SIN3B: variants seen among roughly 807,000 people sequenced by gnomAD.
The protein encoded by SIN3B is SIN3 transcription regulator family member B.
In SIN3B, 19 loss-of-function variants were observed where a neutral mutation model predicts 120.2. The ratio of observed to expected loss-of-function variants is 0.16; its 90% confidence interval spans 0.11 to 0.23. SIN3B has a LOEUF of 0.23. Ranked by LOEUF, SIN3B falls within the 10% of genes least tolerant of loss-of-function variation. The probability of loss-of-function intolerance (pLI) is 1.00; values close to 1 mark genes in which losing one functional copy is unlikely to be tolerated. For synonymous variants in SIN3B, 654 were observed against 653.2 expected, an observed-to-expected ratio of 1.00 and a Z score of -0.02; for missense variants, 1,073 against 1,573.0, an observed-to-expected ratio of 0.68 and a Z score of 5.38.
chr19:16,875,887 T>C, intron 14 of SIN3B, 168 bp from the exon 15 acceptor site: 1 of 770,768 alleles, frequency 1.3e-6, no homozygotes, highest in Non-Finnish European at 2.0e-6. Flanking sequence ...TGGTCTGGTC[T>C]GTTTGGTCTG....
chr19:16,869,334 C>G (rs1434181814), intron 12 of SIN3B, 126 bp from the exon 13 acceptor site: 1 of 1,277,532 alleles, frequency 7.8e-7, no homozygotes, highest in Non-Finnish European at 1.1e-6. Flanking sequence ...ATGTTCGCCA[C>G]CCATCCTGCT....
At position 16,862,760 on chromosome 19, in the gene SIN3B, C is replaced by A; in HGVS notation, c.1266+201C>A. 9.6e-7 allele frequency: 1 copy of A among 1,038,630 alleles called. No homozygotes were observed. The highest frequency in any genetic ancestry group is 1.5e-6 in the Non-Finnish European group (1 of 676,356). 64.3% of individuals were successfully genotyped at this position (1,038,630 alleles called of 1,614,324 possible). On this transcript the variant is annotated intron_variant, in intron 9 of 18. Transcript: ENST00000248054. This position sits in a 1 kb window ranked among gnomAD's most constrained non-coding sequence, Gnocchi z 4.7. ...TGTTGTACCCTGCTGGTAGTTTTGG[C>A]AAAACACAGAGTGCCAGGGATAACG...
Position 16,837,952 on chromosome 19 carries a change from A to G in SIN3B, c.382-3816A>G, listed in dbSNP as rs1971368742. Among the ~76,000 whole-genome samples, 3 of 151,960 alleles carry G rather than the reference A, an allele frequency of 2.0e-5. No individual in the cohort carries two copies. The South Asian group carries it at 6.2e-4, about 32-fold the overall frequency. On this transcript the variant is annotated intron_variant, in intron 3 of 18. Coordinates refer to ENST00000248054, the MANE Select transcript of SIN3B (RefSeq NM_001297595.2). ...AGTACCCAGGCGGGGCTGTGTGTGG[A>G]TGCTCAGATGGACGTGTCGGCCACG... is the stretch of plus-strand genomic sequence containing the variant.
chr19:16,877,401 C>G, intron 16 of SIN3B, 144 bp from the exon 17 acceptor site: 2 of 632,324 alleles, frequency 3.2e-6, no homozygotes, highest in Non-Finnish European at 5.7e-6. Context: ...CGTCAGGGAT[C>G]AGAGTCCTCT....
intron 2 of SIN3B, among the ~76,000 whole-genome samples, chr19:16,831,042 C>T (rs1284767033): frequency 1.3e-5 from 2 of 150,648 alleles, no homozygotes; most frequent in Admixed American, 1.3e-4. Flanking sequence ...TCATGGTGTA[C>T]AGATGCTATC....
In SIN3B at chr19:16,841,785, C is replaced by G; in HGVS notation, c.399C>G (p.His133Gln). 1 of 1,613,978 alleles carries G rather than the reference C, an allele frequency of 6.2e-7. No homozygotes were observed. Among genetic ancestry groups the G allele is most frequent in the Non-Finnish European group, 8.5e-7 (1 of 1,179,982 alleles). The part of the protein sequence containing the change: ...PLTSQENSHN[H>Q]GDGAEDFKQQ... ...CTTGTCAGGAGAATTCGCACAACCA[C>G]GGGGACGGTGCAGAGGACTTCAAGC... Residue 133 changes from histidine (H) to glutamine (Q), a missense_variant, in exon 4 of 19, where the codon CAC (histidine) becomes CAG (glutamine). His to Gln is a conservative substitution (Grantham distance 24). This residue lies in a region of SIN3B where 395 missense variants were observed against 528.0 expected (regional missense o/e 0.75). Transcript: ENST00000248054.
At chr19:16,831,754 G>T in intron 3 of SIN3B, 107 bp downstream of exon 3, 2 of 960,584 alleles carry the variant, frequency 2.1e-6, no homozygotes, top group East Asian at 2.4e-5. Context: ...AGCCACTTAA[G>T]ATCTGTTCTT....
At chr19:16,874,373 TTGGTTTGGTC>T (rs996724359) in intron 14 of SIN3B, among the ~76,000 whole-genome samples, 5 of 151,828 alleles carry the variant, frequency 3.3e-5, no homozygotes, top group East Asian at 1.9e-4. Context: ...TGGTTTGGTT[TTGGTTTGGTC>T]TGGTTTGGTC....
chr19:16,872,911 T>G (rs2051531077), intron 14 of SIN3B, among the ~76,000 whole-genome samples: 1 of 151,974 alleles, frequency 6.6e-6, no homozygotes, highest in South Asian at 2.1e-4. Context: ...TCCACCTGTC[T>G]CCTGAGGACA....
intron 14 of SIN3B, among the ~76,000 whole-genome samples, chr19:16,875,454 GGGTCT>G (rs1237499420): frequency 1.5e-5 from 2 of 134,072 alleles, no homozygotes; most frequent in African/African-American, 5.7e-5. Flanking sequence ...GGTCTGGTTT[GGGTCT>G]GGTCTGGTCT....
intron 14 of SIN3B, among the ~76,000 whole-genome samples, chr19:16,875,158 GGGTCTGGTCT>G (rs139318837): frequency 3.6e-5 from 5 of 139,654 alleles, no homozygotes; most frequent in Admixed American, 2.2e-4. Flanking sequence ...GGTCTGGTTT[GGGTCTGGTCT>G]GGTCTGGTCT....
intron 8 of SIN3B, among the ~76,000 whole-genome samples, chr19:16,860,939 G>T (rs555016573): frequency 1.1e-4 from 17 of 152,016 alleles, no homozygotes; most frequent in African/African-American, 3.9e-4. Flanking sequence ...GCTTAGAGAC[G>T]GGGTCCTGCT....
At chr19:16,877,265 T>C in intron 16 of SIN3B, 1 of 459,954 alleles carries the variant, frequency 2.2e-6, no homozygotes, top group Non-Finnish European at 3.9e-6. Context: ...TGCCAAAGGC[T>C]CTGGGGCGGA....
chr19:16,857,553 G>GTGTATA (rs66778532), intron 8 of SIN3B, among the ~76,000 whole-genome samples: 149 of 139,546 alleles, frequency 1.1e-3, no homozygotes, highest in East Asian at 6.0e-3. Context: ...GTGTGTGTGT[G>GTGTATA]TATATATACA....
At chr19:16,855,380 C>CCCCCG (rs1971600867) in intron 8 of SIN3B, 1 of 117,110 alleles carries the variant, frequency 8.5e-6, no homozygotes, top group African/African-American at 3.2e-5. Flanking sequence ...TCCCCCCCCC[C>CCCCCG]CCCCCAGCAA....
Position 16,831,666 on chromosome 19 carries a change from T to A in SIN3B, c.381+19T>A. ...AAGCCAGGTATGCCACTACAGTGGTTCGGGTGATCTCAGCCTTCACCGAGT... is the reference window on the plus strand; with the variant it reads ...AAGCCAGGTATGCCACTACAGTGGTACGGGTGATCTCAGCCTTCACCGAGT... On this transcript the variant is annotated intron_variant, in intron 3 of 18. Transcript: ENST00000248054. The A allele has an allele frequency of 6.2e-7, 1 of 1,612,644 alleles. No homozygotes were observed. The highest frequency in any genetic ancestry group is 1.3e-5 in the African/African-American group (1 of 74,994).
intron 8 of SIN3B, 186 bp downstream of exon 8, chr19:16,854,447 C>T: frequency 1.8e-6 from 1 of 551,386 alleles, no homozygotes; most frequent in Non-Finnish European, 3.2e-6. Flanking sequence ...ACCTGGGTAC[C>T]CTCCAGCTGG....
At chr19:16,835,140 G>C (rs1396643774) in intron 3 of SIN3B, among the ~76,000 whole-genome samples, 1 of 151,724 alleles carries the variant, frequency 6.6e-6, no homozygotes, top group Non-Finnish European at 1.5e-5. Context: ...TGGTCAGGCT[G>C]GTCTTGAACT....
At chr19:16,877,370 G>C in intron 16 of SIN3B, 175 bp from the exon 17 acceptor site, 1 of 600,964 alleles carries the variant, frequency 1.7e-6, no homozygotes, top group South Asian at 2.0e-5. Context: ...TCTGTCAAGA[G>C]CTATAGTCTG....
Sources: allele counts gnomAD v4.1 joint callset (sites outside exome capture counted in the v4.1 genomes callset), GRCh38; gene constraint gnomAD v4.1.1; regional missense constraint gnomAD v4.1.1; non-coding constraint Gnocchi (gnomAD v3.1); transcripts MANE v1.5; gene names NCBI Gene and HGNC (gene_info 2026-07-23, HGNC 2026-07-21).